The following GALNTL6 variants were observed in gnomAD, a reference collection of about 807,000 sequenced individuals.
GALNTL6 encodes the protein polypeptide N-acetylgalactosaminyltransferase like 6.
In GALNTL6, 46 loss-of-function variants were observed where a neutral mutation model predicts 73.7. The observed-to-expected ratio is 0.62, with a 90% CI of 0.49 to 0.80. The LOEUF (loss-of-function observed/expected upper bound fraction) is 0.80, where lower values mean the gene tolerates loss of function less well. GALNTL6 is among the 30% of genes least tolerant of loss of function. The pLI is 0.00. For missense variants in GALNTL6, 604 were observed against 755.0 expected, an observed-to-expected ratio of 0.80 and a Z score of 2.34; for synonymous variants, 259 against 263.7, an observed-to-expected ratio of 0.98 and a Z score of 0.17.
intron 2 of GALNTL6, among the ~76,000 whole-genome samples, chr4:172,017,583 G>A (rs1393381339): frequency 2.6e-5 from 4 of 152,074 alleles, no homozygotes; most frequent in Non-Finnish European, 4.4e-5. Flanking sequence ...GGGTACCGGT[G>A]CAGACGTTCC....
At chr4:172,873,138 CATCT>C (rs1257208194) in intron 7 of GALNTL6, among the ~76,000 whole-genome samples, 1 of 152,228 alleles carries the variant, frequency 6.6e-6, no homozygotes, top group East Asian at 1.9e-4. Flanking sequence ...CTTCCAGGAG[CATCT>C]ATAATTCCCT....
intron 2 of GALNTL6, among the ~76,000 whole-genome samples, chr4:172,080,301 C>T (rs1318350047): frequency 1.3e-5 from 2 of 152,124 alleles, no homozygotes; most frequent in African/African-American, 2.4e-5. Context: ...CCACCTCAGC[C>T]TCCTGAGTAG....
chr4:172,606,870 C>G (rs1465550083), intron 5 of GALNTL6, among the ~76,000 whole-genome samples: 1 of 151,048 alleles, frequency 6.6e-6, no homozygotes, highest in Non-Finnish European at 1.5e-5. Flanking sequence ...AGGAATTTAC[C>G]TTGGTCAGCA....
chr4:172,980,561 G>A lies in GALNTL6; in HGVS notation c.1371+28303G>A, dbSNP rs565438316. On this transcript the variant is annotated intron_variant, in intron 10 of 12. Transcript: ENST00000506823. ...TAGCATGGTCAGGTCAGGTTCTCGC[G>A]AGGGCTGTCTTCCCACCTTGGAGAT... 8.5e-5 allele frequency among the ~76,000 whole-genome samples: 13 copies of A among 152,258 alleles called. No individual in the cohort carries two copies. The East Asian group carries it at 1.5e-3, about 18-fold the overall frequency.
At chr4:172,148,090 C>G (rs184231710) in intron 2 of GALNTL6, among the ~76,000 whole-genome samples, 167 of 152,056 alleles carry the variant, frequency 1.1e-3, no homozygotes, top group Non-Finnish European at 2.0e-3. Flanking sequence ...CAAAGAATCA[C>G]AAAAAATTTT....
chr4:172,973,911 T>A (rs534311878), intron 10 of GALNTL6, among the ~76,000 whole-genome samples: 28 of 152,270 alleles, frequency 1.8e-4, no homozygotes, highest in Admixed American at 1.6e-3. Context: ...GATTGGGAAA[T>A]GTATAGATGA....
intron 2 of GALNTL6, among the ~76,000 whole-genome samples, chr4:171,819,782 A>G (rs1421134059): frequency 6.6e-6 from 1 of 152,182 alleles, no homozygotes; most frequent in Non-Finnish European, 1.5e-5. Context: ...TGTTTCGTGC[A>G]TCATGTATTC....
At position 172,241,183 on chromosome 4, in the gene GALNTL6, T is replaced by G. The variant is rs192802172; in HGVS notation, c.247+11419T>G. Among the ~76,000 whole-genome samples, 17 of 152,312 alleles carry G rather than the reference T, an allele frequency of 1.1e-4. No homozygotes were observed. The East Asian group carries it at 1.4e-3, about 12-fold the overall frequency. On this transcript the variant is annotated intron_variant, in intron 3 of 12. Transcript: ENST00000506823. Reference sequence around the variant, plus strand: ...TTAAGTGTAATGGCCAGTAGGCTGGTAGGTAGGCTCTTGCTCAGCCCTGAG... The same window carrying G: ...TTAAGTGTAATGGCCAGTAGGCTGGGAGGTAGGCTCTTGCTCAGCCCTGAG...
At chr4:171,987,380 T>A (rs915910209) in intron 2 of GALNTL6, among the ~76,000 whole-genome samples, 2 of 152,130 alleles carry the variant, frequency 1.3e-5, no homozygotes, top group Admixed American at 1.3e-4. Context: ...TGTATAGAGA[T>A]GGGAAGGCTA....
At chr4:172,492,297 G>C (rs1027458699) in intron 5 of GALNTL6, among the ~76,000 whole-genome samples, 3 of 152,026 alleles carry the variant, frequency 2.0e-5, no homozygotes, top group Admixed American at 1.3e-4. Context: ...TAAAACCAAT[G>C]AGATTTTTTG....
chr4:172,731,004 C>T (rs1242009086), intron 5 of GALNTL6, among the ~76,000 whole-genome samples: 1 of 150,256 alleles, frequency 6.7e-6, no homozygotes, highest in Non-Finnish European at 1.5e-5. Flanking sequence ...CACTTGAACC[C>T]AAGAGGTGGA....
At position 172,288,581 on chromosome 4, in the gene GALNTL6, T is replaced by TTCG. The variant is rs531394850; in HGVS notation, c.248-23031_248-23029dup. On this transcript the variant is annotated intron_variant, in intron 3 of 12. Coordinates refer to ENST00000506823, the MANE Select transcript of GALNTL6 (RefSeq NM_001034845.3). ...TTACTATGTAAACACCTTACCTTAA[T>TTCG]TCGTTTCCCTAGTTATAAAGCAGTT... Among the ~76,000 whole-genome samples, 492 of 152,326 alleles carry TTCG rather than the reference T, an allele frequency of 3.2e-3. 4 individuals are homozygous for TTCG. The highest frequency in any genetic ancestry group is 0.011 in the African/African-American group (476 of 41,572).
intron 8 of GALNTL6, among the ~76,000 whole-genome samples, chr4:172,884,478 T>G (rs1745617732): frequency 6.6e-6 from 1 of 152,196 alleles, no homozygotes; most frequent in South Asian, 2.1e-4. Context: ...TTTGAAGGAT[T>G]TTACTGTTGA....
chr4:173,031,486 C>T (rs1305422775), intron 12 of GALNTL6, among the ~76,000 whole-genome samples: 2 of 152,212 alleles, frequency 1.3e-5, no homozygotes, highest in Non-Finnish European at 2.9e-5. Flanking sequence ...GCACTCTTTC[C>T]GGCATCTAAA....
chr4:173,011,871 T>G (rs1217548614), intron 11 of GALNTL6, among the ~76,000 whole-genome samples: 1 of 152,190 alleles, frequency 6.6e-6, no homozygotes, highest in African/African-American at 2.4e-5. Context: ...GAAAAGATAG[T>G]GGGCAAAATT....
At chr4:172,718,244 G>C (rs1479327681) in intron 5 of GALNTL6, among the ~76,000 whole-genome samples, 1 of 152,030 alleles carries the variant, frequency 6.6e-6, no homozygotes, top group Non-Finnish European at 1.5e-5. Context: ...TTAATATTTT[G>C]TGCTAAATAT....
chr4:172,369,827 G>A (rs1196015513), intron 5 of GALNTL6, among the ~76,000 whole-genome samples: 2 of 152,060 alleles, frequency 1.3e-5, no homozygotes, highest in African/African-American at 4.8e-5. Flanking sequence ...ACCTCATGCA[G>A]CCCCGGTTCC....
chr4:172,120,745 G>A (rs879359524), intron 2 of GALNTL6, among the ~76,000 whole-genome samples: 1 of 152,096 alleles, frequency 6.6e-6, no homozygotes, highest in African/African-American at 2.4e-5. Context: ...AAACTTTCCT[G>A]TCAGAGTTGC....
chr4:172,623,193 G>T (rs766683413), intron 5 of GALNTL6, among the ~76,000 whole-genome samples: 19 of 152,100 alleles, frequency 1.2e-4, no homozygotes, highest in Non-Finnish European at 2.5e-4. Flanking sequence ...ATGCAAGCAA[G>T]TTTTACTGAG....
Sources: allele counts gnomAD v4.1 joint callset (sites outside exome capture counted in the v4.1 genomes callset), GRCh38; gene constraint gnomAD v4.1.1; transcripts MANE v1.5; gene names NCBI Gene and HGNC (gene_info 2026-07-23, HGNC 2026-07-21).